FRMD3: variants seen among roughly 807,000 people sequenced by gnomAD.
FRMD3 encodes the protein FERM domain-containing protein 3.
A neutral mutation model predicts 70.2 loss-of-function variants in FRMD3; 33 were observed. The ratio of observed to expected loss-of-function variants is 0.47; its 90% CI spans 0.36 to 0.63. The LOEUF (loss-of-function observed/expected upper bound fraction) is 0.63. Ranked by LOEUF, FRMD3 falls within the 20% of genes least tolerant of loss-of-function variation. FRMD3 has a pLI of 0.00. For synonymous variants in FRMD3, 279 were observed against 255.9 expected (o/e 1.09, Z -0.86); for missense variants, 632 against 711.4 (o/e 0.89, Z 1.27).
rs1173907926 is a variant in FRMD3, at chr9:83,246,552, A to G, written c.*1366T>C. On this transcript the variant is annotated 3_prime_UTR_variant, in exon 14 of 14. Transcript: ENST00000304195. ...TGAGGCCTCTCCAGTTTCTCTATGG[A>G]AGTCAAATTTTAAAACAACTGGGAA... is the stretch of plus-strand genomic sequence containing the variant. 1.0e-6 allele frequency: 1 copy of G among 984,946 alleles called. No homozygotes were observed. The highest frequency in any genetic ancestry group is 1.8e-5 in the African/African-American group (1 of 57,140). The allele number at this position is 984,946 out of a possible 1,614,324, so 61.0% of individuals were successfully genotyped here.
chr9:83,290,633 C>T lies in FRMD3; in HGVS notation c.1165G>A (p.Glu389Lys). The change falls in exon 13 of 14, where the codon GAG becomes AAG. Residue 389 changes from glutamate (E) to lysine (K), a missense_variant. Transcript: ENST00000304195. ...CCCAGAGGAAGTTCTTCTTCTTGCT[C>T]GCTGGGGGAAGGAAGCAGGGGCTGC... ...PLQPLLPSPS[E>K]QEEELPLGEG... 3 of 1,614,018 alleles carry T rather than the reference C, an allele frequency of 1.9e-6. No homozygotes were observed. The highest frequency in any genetic ancestry group is 2.5e-6 in the Non-Finnish European group (3 of 1,179,974).
At chr9:83,357,701 TG>T (rs1824447444) in intron 3 of FRMD3, among the ~76,000 whole-genome samples, 1 of 152,212 alleles carries the variant, frequency 6.6e-6, no homozygotes, top group African/African-American at 2.4e-5. Context: ...CTCACATGTT[TG>T]TTGCCCATTT....
chr9:83,265,179 T>C (rs1833186421), intron 13 of FRMD3, among the ~76,000 whole-genome samples: 1 of 151,944 alleles, frequency 6.6e-6, no homozygotes, highest in Non-Finnish European at 1.5e-5. Context: ...GACGGGCGGA[T>C]CACGAGGTCA....
At chr9:83,514,378 T>A (rs1030460204) in intron 1 of FRMD3, among the ~76,000 whole-genome samples, 10 of 152,122 alleles carry the variant, frequency 6.6e-5, no homozygotes, top group Non-Finnish European at 1.0e-4. Context: ...CCACCGAAGC[T>A]CAGCAAAGCT....
At chr9:83,431,417 C>T (rs1826972193) in intron 1 of FRMD3, among the ~76,000 whole-genome samples, 1 of 152,160 alleles carries the variant, frequency 6.6e-6, no homozygotes, top group Non-Finnish European at 1.5e-5. Context: ...CTTAAAAATG[C>T]TAGGACAAAC....
At chr9:83,496,188 A>T (rs1828938610) in intron 1 of FRMD3, among the ~76,000 whole-genome samples, 1 of 152,264 alleles carries the variant, frequency 6.6e-6, no homozygotes, top group Non-Finnish European at 1.5e-5. Flanking sequence ...ATTTCACATG[A>T]TATTTCAAAT....
At chr9:83,545,352 T>G in the FRMD3 span, among the ~76,000 whole-genome samples, 1 of 128,806 alleles carries the variant, frequency 7.8e-6, no homozygotes, top group Admixed American at 9.1e-5. Context: ...TGTTGTTTTT[T>G]TTTGTTTTTT....
chr9:83,282,623 ATCT>A (rs1467889069), intron 13 of FRMD3, among the ~76,000 whole-genome samples: 1 of 151,882 alleles, frequency 6.6e-6, no homozygotes, highest in Non-Finnish European at 1.5e-5. Flanking sequence ...CTCAAATCCA[ATCT>A]TCTTGTTTTG....
chr9:83,345,782 T>G (rs536174384), intron 4 of FRMD3, among the ~76,000 whole-genome samples: 157 of 151,420 alleles, frequency 1.0e-3, no homozygotes, highest in Non-Finnish European at 1.8e-3. Context: ...ATAAAGAAAT[T>G]AATTAATTAA....
chr9:83,419,773 T>C (rs1826577939), intron 1 of FRMD3, among the ~76,000 whole-genome samples: 1 of 152,206 alleles, frequency 6.6e-6, no homozygotes, highest in South Asian at 2.1e-4. Flanking sequence ...TGTGTTCACC[T>C]AATTCTAACA....
At chr9:83,460,234 TA>T (rs1437737972) in intron 1 of FRMD3, among the ~76,000 whole-genome samples, 2 of 152,258 alleles carry the variant, frequency 1.3e-5, no homozygotes, top group East Asian at 3.9e-4. Context: ...CACCTGCACA[TA>T]AGGCTTCTTC....
intron 2 of FRMD3, among the ~76,000 whole-genome samples, chr9:83,374,135 C>A (rs1004118047): frequency 6.6e-6 from 1 of 152,040 alleles, no homozygotes; most frequent in Non-Finnish European, 1.5e-5. Context: ...AACAGTGAAG[C>A]CAACCATGCA....
At position 83,466,733 on chromosome 9, in the gene FRMD3, G is replaced by A. The variant is rs542717004; in HGVS notation, c.147+71352C>T. 5.3e-5 allele frequency among the ~76,000 whole-genome samples: 8 copies of A among 152,304 alleles called. No homozygotes were observed. The South Asian group carries it at 1.4e-3, about 28-fold the overall frequency. On this transcript the variant is annotated intron_variant, in intron 1 of 13. Transcript: ENST00000304195. The stretch of plus-strand genomic sequence containing the variant: ...ACCTCTGCCATGTTGAACTTTAACT[G>A]TGATTCCCTGTGAGCAGTTTAGAAT...
chr9:83,489,216 A>G (rs912506412), intron 1 of FRMD3, among the ~76,000 whole-genome samples: 11 of 152,206 alleles, frequency 7.2e-5, no homozygotes, highest in Admixed American at 2.6e-4. Flanking sequence ...TTATGGCTAC[A>G]TCTTTAAAAG....
intron 1 of FRMD3, among the ~76,000 whole-genome samples, chr9:83,460,963 CT>C (rs1200742711): frequency 6.6e-6 from 1 of 151,816 alleles, no homozygotes; most frequent in Non-Finnish European, 1.5e-5. Context: ...AGCCCCTGAG[CT>C]CTTGGAGTGT....
the FRMD3 span, among the ~76,000 whole-genome samples, chr9:83,567,879 C>A: frequency 6.6e-6 from 1 of 152,216 alleles, no homozygotes. Context: ...TTCCTGTCTT[C>A]TTCTGAGCCC....
intron 1 of FRMD3, among the ~76,000 whole-genome samples, chr9:83,406,860 T>C (rs913684333): frequency 6.6e-6 from 1 of 152,232 alleles, no homozygotes; most frequent in South Asian, 2.1e-4. Context: ...TGTTGTTGTT[T>C]TCTGTTTAAT....
At chr9:83,405,949 A>G (rs561966497) in intron 1 of FRMD3, among the ~76,000 whole-genome samples, 1 of 152,206 alleles carries the variant, frequency 6.6e-6, no homozygotes, top group Non-Finnish European at 1.5e-5. Context: ...AGATTAAAGC[A>G]AACAGTAACT....
intron 1 of FRMD3, among the ~76,000 whole-genome samples, chr9:83,428,141 C>T (rs975686242): frequency 9.2e-5 from 14 of 152,188 alleles, no homozygotes; most frequent in African/African-American, 2.4e-4. Context: ...CTTTGGGAGG[C>T]CAAGGCAGGT....
Sources: gnomAD v4.1 joint callset for allele counts (sites outside exome capture counted in the v4.1 genomes callset) on GRCh38, gnomAD v4.1.1 for gene constraint, MANE v1.5 for transcripts, NCBI Gene and HGNC (gene_info 2026-07-23, HGNC 2026-07-21) for gene names.